The following FMN1 variants were observed in gnomAD, a reference collection of about 807,000 sequenced individuals.
FMN1 encodes formin 1.
Under a neutral mutation model 132.4 loss-of-function variants are expected in FMN1, and 110 were observed. The ratio of observed to expected loss-of-function variants is 0.83; its 90% CI spans 0.71 to 0.97. The LOEUF (loss-of-function observed/expected upper bound fraction) is 0.97. Ranked by LOEUF, FMN1 falls within the 50% of genes least tolerant of loss-of-function variation. The pLI, the probability that FMN1 is intolerant of heterozygous loss-of-function variation, is 0.00. For synonymous variants in FMN1, 722 were observed against 651.7 expected (o/e 1.11, Z -1.64); for missense variants, 1,792 against 1,705.3 (o/e 1.05, Z -0.90).
intron 7 of FMN1, among the ~76,000 whole-genome samples, chr15:33,000,067 T>A (rs2034003940): frequency 6.6e-6 from 1 of 152,132 alleles, no homozygotes. Flanking sequence ...ACTGAAAACC[T>A]AAACACATTG....
chr15:33,091,944 C>G (rs144865132), intron 4 of FMN1, among the ~76,000 whole-genome samples: 2 of 152,286 alleles, frequency 1.3e-5, no homozygotes, highest in African/African-American at 2.4e-5. Context: ...TCAGTCTTAT[C>G]AGTTTAAACA....
At chr15:32,961,113 A>G (rs2030482488) in intron 9 of FMN1, among the ~76,000 whole-genome samples, 1 of 151,230 alleles carries the variant, frequency 6.6e-6, no homozygotes, top group South Asian at 2.1e-4. Flanking sequence ...CTGGTGGGTC[A>G]GGTAGATTCA....
At chr15:33,035,361 T>A (rs1216944343) in intron 6 of FMN1, among the ~76,000 whole-genome samples, 1 of 152,180 alleles carries the variant, frequency 6.6e-6, no homozygotes, top group Non-Finnish European at 1.5e-5. Flanking sequence ...AAAAATGATT[T>A]TTTTCCTATC....
intron 5 of FMN1, among the ~76,000 whole-genome samples, chr15:33,068,447 G>A (rs948698443): frequency 6.6e-6 from 1 of 152,178 alleles, no homozygotes; most frequent in African/African-American, 2.4e-5. Flanking sequence ...TTCTGACACA[G>A]GCCTTCTTTT....
At chr15:33,063,400 A>C (rs1303995909) in intron 6 of FMN1, 1 of 152,254 alleles carries the variant, frequency 6.6e-6, no homozygotes, top group East Asian at 1.9e-4. Flanking sequence ...CTCCCTCTTA[A>C]GTTCTAGTTT....
rs1491184174 is a variant in FMN1, at chr15:32,783,784, A to AAAAAAAAAAG, written c.4131-6866_4131-6865insCTTTTTTTTT. Among the ~76,000 whole-genome samples, 5 of 105,868 alleles carry AAAAAAAAAAG rather than the reference A, an allele frequency of 4.7e-5. 2 individuals are homozygous for AAAAAAAAAAG. Among genetic ancestry groups the AAAAAAAAAAG allele is most frequent in the Non-Finnish European group, 9.7e-5 (5 of 51,760 alleles). 69.5% of individuals were successfully genotyped at this position (105,868 alleles called of 152,430 possible). A position where few individuals can be genotyped will look rare whatever the true frequency, so the allele number is the denominator to read the frequency against. Reference sequence around the variant, plus strand: ...AAAAAAAAAAAAAAAAAAAAAAAAAATAGTTGAAGTGGCGTGGCTTTCCAT... The same window carrying AAAAAAAAAAG: ...AAAAAAAAAAAAAAAAAAAAAAAAAAAAAAAAAAAGTAGTTGAAGTGGCGTGGCTTTCCAT... On this transcript the variant is annotated intron_variant, in intron 19 of 20. Transcript: ENST00000616417.
At chr15:32,860,569 C>G (rs1474685607) in intron 16 of FMN1, 2 of 152,376 alleles carry the variant, frequency 1.3e-5, no homozygotes, top group African/African-American at 4.8e-5. Context: ...GAGAGGATCA[C>G]CTGAACCCAG....
chr15:33,172,147 G>T (rs1264723973), intron 3 of FMN1, among the ~76,000 whole-genome samples: 1 of 151,960 alleles, frequency 6.6e-6, no homozygotes, highest in East Asian at 1.9e-4. Context: ...GGCGGAGCTT[G>T]CAGTGAGCCG....
At chr15:33,021,852 T>C (rs79883887) in intron 6 of FMN1, among the ~76,000 whole-genome samples, 4,772 of 152,340 alleles carry the variant, frequency 0.031, 106 homozygotes, top group Admixed American at 0.048. Context: ...TACAATCTCC[T>C]TTCTACCTAT....
chr15:32,780,023 C>A (rs1473238277), intron 19 of FMN1, among the ~76,000 whole-genome samples: 1 of 152,190 alleles, frequency 6.6e-6, no homozygotes, highest in Non-Finnish European at 1.5e-5. Context: ...TAATTCTCAG[C>A]CCTATCACTT....
chr15:33,054,149 T>A (rs1318731392), intron 6 of FMN1, among the ~76,000 whole-genome samples: 1 of 152,196 alleles, frequency 6.6e-6, no homozygotes, highest in Non-Finnish European at 1.5e-5. Context: ...TCAAGTACAG[T>A]TGAAATGGGC....
chr15:33,156,836 G>A (rs952535505), intron 3 of FMN1, among the ~76,000 whole-genome samples: 25 of 152,316 alleles, frequency 1.6e-4, no homozygotes, highest in African/African-American at 6.0e-4. Context: ...AAGGGAAGCA[G>A]CAGATGAGCT....
At chr15:32,950,024 T>TATATACAC (rs1555503214) in intron 9 of FMN1, among the ~76,000 whole-genome samples, 1 of 10,550 alleles carries the variant, frequency 9.5e-5, no homozygotes, top group Non-Finnish European at 1.8e-4. Flanking sequence ...TACACATATA[T>TATATACAC]ATATATATAC....
intron 3 of FMN1, among the ~76,000 whole-genome samples, chr15:33,169,753 T>C (rs184064528): frequency 2.7e-5 from 4 of 149,358 alleles, no homozygotes; most frequent in African/African-American, 9.8e-5. Flanking sequence ...TTTTTTTTTT[T>C]TTTTTTTGGT....
intron 4 of FMN1, among the ~76,000 whole-genome samples, chr15:33,102,784 T>A (rs944301623): frequency 2.6e-5 from 4 of 152,174 alleles, no homozygotes; most frequent in Admixed American, 2.6e-4. Context: ...TGGTTTTATT[T>A]CATTTCCACA....
At chr15:33,180,031 C>T (rs940444337) in intron 3 of FMN1, among the ~76,000 whole-genome samples, 167 bp downstream of exon 3, 5 of 152,124 alleles carry the variant, frequency 3.3e-5, no homozygotes, top group Admixed American at 1.3e-4. Flanking sequence ...CTCTGTAGTA[C>T]AGCATGGGCA....
intron 17 of FMN1, among the ~76,000 whole-genome samples, chr15:32,806,235 A>G (rs1020187004): frequency 2.0e-5 from 3 of 152,196 alleles, no homozygotes; most frequent in Non-Finnish European, 4.4e-5. Flanking sequence ...ATACTTCATG[A>G]AAGATAAGGG....
intron 5 of FMN1, among the ~76,000 whole-genome samples, chr15:33,077,518 CCT>C (rs1477368512): frequency 2.0e-5 from 3 of 151,796 alleles, no homozygotes; most frequent in Admixed American, 6.6e-5. Context: ...TCCCCCTTCC[CCT>C]GACTCCACAA....
chr15:32,906,753 C>T (rs1596242378), intron 12 of FMN1, among the ~76,000 whole-genome samples: 1 of 152,258 alleles, frequency 6.6e-6, no homozygotes, highest in Middle Eastern at 3.4e-3. Context: ...TGGAAATAAA[C>T]TATAGGATCA....
Sources: gnomAD v4.1 joint callset for allele counts (sites outside exome capture counted in the v4.1 genomes callset) on GRCh38, gnomAD v4.1.1 for gene constraint, MANE v1.5 for transcripts, NCBI Gene and HGNC (gene_info 2026-07-23, HGNC 2026-07-21) for gene names.